The following MINDY2 variants were observed in gnomAD, a reference collection of about 807,000 sequenced individuals.
MINDY2 encodes MINDY lysine 48 deubiquitinase 2.
A neutral mutation model predicts 68.2 loss-of-function variants in MINDY2; 52 were observed. The observed-to-expected ratio is 0.76, with a 90% CI of 0.61 to 0.96. The LOEUF is 0.96. MINDY2 is among the 40% of genes least tolerant of loss of function. The pLI, the probability that MINDY2 is intolerant of heterozygous loss-of-function variation, is 0.00. For synonymous variants in MINDY2, 372 were observed against 303.0 expected (o/e 1.23, Z -2.36); for missense variants, 881 against 773.4 (o/e 1.14, Z -1.65).
At chr15:58,832,475 G>T (rs1379488537) in intron 6 of MINDY2, among the ~76,000 whole-genome samples, 6 of 150,586 alleles carry the variant, frequency 4.0e-5, no homozygotes, top group Non-Finnish European at 8.8e-5. Flanking sequence ...GTGATCGCCC[G>T]CCTCAGCCTC....
chr15:58,814,376 AGTTTTGTTTTTG>A (rs1263705826), intron 4 of MINDY2, among the ~76,000 whole-genome samples: 4 of 149,796 alleles, frequency 2.7e-5, no homozygotes, highest in Admixed American at 6.7e-5. Context: ...TTTACAGTTG[AGTTTTGTTTTTG>A]GTTTTGTTTT....
intron 7 of MINDY2, among the ~76,000 whole-genome samples, chr15:58,850,256 A>G (rs2032749513): frequency 6.6e-6 from 1 of 152,202 alleles, no homozygotes; most frequent in African/African-American, 2.4e-5. Context: ...ATAATTGAGT[A>G]AGACTATATG....
rs560837952 is a variant in MINDY2, at chr15:58,811,317, G to A, written c.1122+929G>A. On this transcript the variant is annotated intron_variant, in intron 4 of 8. Coordinates refer to ENST00000559228, the MANE Select transcript of MINDY2 (RefSeq NM_001040450.3). ...CATTTCTAAATGTACATTGACCTTT[G>A]GTATATTAGTCTAGCAATCCAGATT... 5.3e-5 allele frequency among the ~76,000 whole-genome samples: 8 copies of A among 152,242 alleles called. No individual in the cohort carries two copies. In the South Asian group the frequency reaches 1.7e-3, roughly 32 times the overall value.
chr15:58,854,508 A>G lies in MINDY2; in HGVS notation c.1764A>G (p.Pro588=), dbSNP rs1325886080. ...AQQGQPAQAS[P]SSGRQSGNSE... ...AGGGCCAGCCAGCACAAGCCTCTCCATCAAGTGGAAGACAATCTGGGAATA... is the reference window on the plus strand; with the variant it reads ...AGGGCCAGCCAGCACAAGCCTCTCCGTCAAGTGGAAGACAATCTGGGAATA... Residue 588 remains proline, a synonymous_variant, in exon 9 of 9, where the codon CCA becomes CCG. Coordinates refer to ENST00000559228, the MANE Select transcript of MINDY2 (RefSeq NM_001040450.3). 1.9e-6 allele frequency: 3 copies of G among 1,613,840 alleles called. No homozygotes were observed. The highest frequency in any genetic ancestry group is 4.5e-5 in the East Asian group (2 of 44,860).
Position 58,857,273 on chromosome 15 carries a change from C to G in MINDY2, c.*2663C>G, listed in dbSNP as rs1384098661. On this transcript the variant is annotated 3_prime_UTR_variant, in exon 9 of 9. Transcript: ENST00000559228. ...AAGGGTATAAAGAATTTAGATCATG[C>G]CTGTAATCCCAGTACTTTGGGAGGC... is the stretch of plus-strand genomic sequence containing the variant. The G allele has an allele frequency of 6.6e-6, 1 of 152,154 alleles. No homozygotes were observed. Among genetic ancestry groups the G allele is most frequent in the Non-Finnish European group, 1.5e-5 (1 of 68,052 alleles). The allele number at this position is 152,154 out of a possible 1,614,324, so 9.4% of individuals were successfully genotyped here.
chr15:58,782,911 G>GTTTGTTTTTTTTT (rs1901242442), intron 1 of MINDY2, among the ~76,000 whole-genome samples: 1 of 64,470 alleles, frequency 1.6e-5, no homozygotes, highest in Non-Finnish European at 2.6e-5. Flanking sequence ...TTTTCTCTCT[G>GTTTGTTTTTTTTT]TTTTTTTTTT....
At chr15:58,827,952 G>C (rs1473852181) in intron 5 of MINDY2, among the ~76,000 whole-genome samples, 2 of 151,956 alleles carry the variant, frequency 1.3e-5, no homozygotes, top group African/African-American at 4.8e-5. Flanking sequence ...ATATGAGTGG[G>C]CTGGGCGCAG....
intron 4 of MINDY2, among the ~76,000 whole-genome samples, chr15:58,820,134 C>A (rs145997079): frequency 1.3e-5 from 2 of 152,020 alleles, no homozygotes; most frequent in Admixed American, 1.3e-4. Context: ...GGCATGGTGG[C>A]GTGCACCTGT....
rs547008527 is a variant in MINDY2 at position 58,772,050 on chromosome 15, A to T, written c.655A>T (p.Lys219Ter). The T allele has an allele frequency of 1.9e-6, 3 of 1,609,206 alleles. No homozygotes were observed. The highest frequency in any genetic ancestry group is 2.7e-5 in the African/African-American group (2 of 74,950). ...AVLPGAVPLC[K>*]EEEGEETAQV... is the part of the protein sequence containing the mutation. ...GTTGCCCGGGGCTGTTCCTCTGTGC[A>T]AGGAGGAGGAGGGGGAGGAGACCGC... Residue 219 changes from lysine to a stop codon, truncating the protein, a stop_gained, in exon 1 of 9, where the codon AAG (lysine) becomes TAG (stop). Coordinates refer to ENST00000559228, the MANE Select transcript of MINDY2 (RefSeq NM_001040450.3). LOFTEE classifies it high-confidence loss of function.
At chr15:58,849,320 G>A (rs563347966) in intron 7 of MINDY2, among the ~76,000 whole-genome samples, 2 of 151,976 alleles carry the variant, frequency 1.3e-5, no homozygotes, top group Non-Finnish European at 2.9e-5. Flanking sequence ...GGCTAACATG[G>A]TGAAACCCCG....
intron 1 of MINDY2, among the ~76,000 whole-genome samples, chr15:58,782,398 G>C (rs1333382437): frequency 3.9e-5 from 6 of 152,118 alleles, no homozygotes; most frequent in African/African-American, 1.4e-4. Flanking sequence ...CTTATCTTCT[G>C]TGTTCCAAAT....
intron 5 of MINDY2, among the ~76,000 whole-genome samples, chr15:58,831,041 G>GTGTGTGTATA (rs565786025): frequency 8.2e-4 from 102 of 124,920 alleles, no homozygotes; most frequent in African/African-American, 1.5e-3. Flanking sequence ...GTGTGTGTGT[G>GTGTGTGTATA]TATATATATA....
chr15:58,847,663 A>G (rs2032603409), intron 7 of MINDY2, among the ~76,000 whole-genome samples, 193 bp downstream of exon 7: 2 of 152,250 alleles, frequency 1.3e-5, no homozygotes, highest in Admixed American at 6.5e-5. Flanking sequence ...AGGCCAGATC[A>G]TATTGAACTG....
chr15:58,796,196 AC>A (rs1902273406), intron 2 of MINDY2: 4 of 453,002 alleles, frequency 8.8e-6, no homozygotes, highest in Non-Finnish European at 1.8e-5. Context: ...TTAATGGAGA[AC>A]ATGTGACTTG....
chr15:58,785,860 G>T (rs1225547917), intron 1 of MINDY2, among the ~76,000 whole-genome samples: 1 of 151,974 alleles, frequency 6.6e-6, no homozygotes, highest in Admixed American at 6.6e-5. Context: ...TGTTTTTTTA[G>T]TAAAGTCCGT....
At chr15:58,816,292 G>C (rs1210144176) in intron 4 of MINDY2, among the ~76,000 whole-genome samples, 1 of 152,240 alleles carries the variant, frequency 6.6e-6, no homozygotes, top group African/African-American at 2.4e-5. Context: ...ATGTCCAGCA[G>C]TTTATACATC....
At chr15:58,852,857 C>G (rs1447974075) in intron 8 of MINDY2, among the ~76,000 whole-genome samples, 5 of 143,308 alleles carry the variant, frequency 3.5e-5, no homozygotes, top group African/African-American at 1.3e-4. Context: ...CATGTTAAAT[C>G]TCATTTCATT....
chr15:58,778,816 T>TC (rs1241402441), intron 1 of MINDY2, among the ~76,000 whole-genome samples: 7 of 145,008 alleles, frequency 4.8e-5, no homozygotes, highest in African/African-American at 1.3e-4. Flanking sequence ...TTTTCTTTTT[T>TC]TTTTTTTTTT....
chr15:58,810,195 T>C (rs2030132412), intron 3 of MINDY2, 35 bp from the exon 4 acceptor site: 1 of 1,557,748 alleles, frequency 6.4e-7, no homozygotes, highest in South Asian at 1.2e-5. Context: ...GTTTTGATGT[T>C]TCTGAATTAG....
Sources: gnomAD v4.1 joint callset for allele counts (sites outside exome capture counted in the v4.1 genomes callset) on GRCh38, gnomAD v4.1.1 for gene constraint, MANE v1.5 for transcripts, NCBI Gene and HGNC (gene_info 2026-07-23, HGNC 2026-07-21) for gene names.